TRIM65: variants seen among roughly 807,000 people sequenced by gnomAD.
TRIM65 encodes the protein tripartite motif containing 65.
Under a neutral mutation model 36.1 loss-of-function variants are expected in TRIM65, and 46 were observed. The ratio of observed to expected loss-of-function variants is 1.27; its 90% CI spans 1.01 to 1.63. The LOEUF (loss-of-function observed/expected upper bound fraction) is 1.63. Among genes scored for constraint, TRIM65 ranks in the 40% most tolerant of loss-of-function variants. The pLI, the probability that TRIM65 is intolerant of heterozygous loss-of-function variation, is 0.00. For synonymous variants in TRIM65, 346 were observed against 313.6 expected, an observed-to-expected ratio of 1.10 and a Z score of -1.09; for missense variants, 708 against 696.6, an observed-to-expected ratio of 1.02 and a Z score of -0.18.
rs1476966961 is a variant in TRIM65 at position 75,896,921 on chromosome 17, A to C, written c.17T>G (p.Leu6Arg). The C allele has an allele frequency of 2.0e-6, 3 of 1,503,516 alleles. No individual in the cohort carries two copies. The highest frequency in any genetic ancestry group is 1.8e-6 in the Non-Finnish European group (2 of 1,131,100). 93.1% of individuals were successfully genotyped at this position (1,503,516 alleles called of 1,614,324 possible). MAAQLLEEKLTCAICL... is the reference protein window; with the variant it reads MAAQLREEKLTCAICL... The stretch of plus-strand genomic sequence containing the variant: ...GATGGCGCAGGTCAGCTTCTCCTCC[A>C]GCAGCTGCGCGGCCATGGCCCGGCG... The change falls in exon 1 of 6, where the codon CTG (leucine) becomes CGG (arginine). Residue 6 changes from leucine to arginine, a missense_variant. Leu to Arg is a moderately radical substitution (Grantham distance 102). Coordinates refer to ENST00000269383, the MANE Select transcript of TRIM65 (RefSeq NM_173547.4).
chr17:75,896,314 C>G (rs1481131290), intron 1 of TRIM65, among the ~76,000 whole-genome samples: 15 of 152,202 alleles, frequency 9.9e-5, no homozygotes, highest in Non-Finnish European at 2.2e-4. Context: ...CTCGGCCTCC[C>G]AAAGTGCTGG....
In TRIM65 at chr17:75,892,012, C is replaced by T. The variant is rs771112474; in HGVS notation, c.918G>A (p.Val306=). The T allele has an allele frequency of 7.1e-6, 11 of 1,552,268 alleles. No homozygotes were observed. In the African/African-American group the frequency reaches 1.2e-4, roughly 17 times the overall value. Residue 306 remains valine (V), a splice_region_variant and synonymous_variant, in exon 4 of 6, where the codon GTG becomes GTA. Coordinates refer to ENST00000269383, the MANE Select transcript of TRIM65 (RefSeq NM_173547.4). The part of the protein sequence containing the change: ...APAKPVDLAP[V]EAPGPLAPVP... ...GGGGAGGCCTGGGGTCAGTCTTACC[C>T]ACGGGGGCTAAGTCCACAGGCTTGG...
chr17:75,885,505 G>A (rs1332785045), downstream of TRIM65, among the ~76,000 whole-genome samples: 4 of 152,110 alleles, frequency 2.6e-5, no homozygotes, highest in Admixed American at 1.3e-4. Flanking sequence ...GCAGCCTCCC[G>A]AAGTGCTGCG....
At chr17:75,881,232 T>A in intron 4 of TRIM65, among the ~76,000 whole-genome samples, 1 of 72,804 alleles carries the variant, frequency 1.4e-5, no homozygotes. Flanking sequence ...CGAGACTCCA[T>A]CTCAAAAAAA....
At position 75,888,972 on chromosome 17, in the gene TRIM65, A is replaced by C. The variant is rs1340449248; in HGVS notation, c.*1807T>G. The C allele has an allele frequency of 6.6e-6, 1 of 152,070 alleles. No individual in the cohort carries two copies. The highest frequency in any genetic ancestry group is 2.4e-5 in the African/African-American group (1 of 41,426). The allele number at this position is 152,070 out of a possible 1,614,324, so 9.4% of individuals were successfully genotyped here. A position where few individuals can be genotyped will look rare whatever the true frequency, so the allele number is the denominator to read the frequency against. On this transcript the variant is annotated 3_prime_UTR_variant, in exon 6 of 6. Transcript: ENST00000269383. Reference sequence around the variant, plus strand: ...TATATTACACGTATTATCCTTTTAAAAAGTTTTATTGTGAAATATTTATCC... The same window carrying C: ...TATATTACACGTATTATCCTTTTAACAAGTTTTATTGTGAAATATTTATCC...
At position 75,896,618 on chromosome 17, in the gene TRIM65, C is replaced by T. The variant is rs1049106187; in HGVS notation, c.320G>A (p.Arg107Gln). 85 of 1,254,736 alleles carry T rather than the reference C, an allele frequency of 6.8e-5. No individual in the cohort carries two copies. The highest frequency in any genetic ancestry group is 8.3e-5 in the Non-Finnish European group (83 of 1,003,730). 77.7% of individuals were successfully genotyped at this position (1,254,736 alleles called of 1,614,324 possible). Residue 107 changes from arginine (R) to glutamine (Q), a missense_variant, in exon 1 of 6, where the codon CGG (arginine) becomes CAG (glutamine). Physicochemically the swap from Arg to Gln is conservative, Grantham distance 43. Coordinates refer to ENST00000269383, the MANE Select transcript of TRIM65 (RefSeq NM_173547.4). Reference sequence around the variant, plus strand: ...GCTGCACACACAGCGGCCCTCGGTCCGGCAGAAGAGCTCCAGCGGCCGCCC... The same window carrying T: ...GCTGCACACACAGCGGCCCTCGGTCTGGCAGAAGAGCTCCAGCGGCCGCCC... ...RHGRPLELFCRTEGRCVCSVC... is the reference protein window; with the variant it reads ...RHGRPLELFCQTEGRCVCSVC...
rs1462176614 is a variant in TRIM65, at chr17:75,889,771, G to A, written c.*1008C>T. On this transcript the variant is annotated 3_prime_UTR_variant, in exon 6 of 6. Transcript: ENST00000269383. ...ACAGCCTACATACATGACCATAAAT[G>A]TGGCCAAACATCCCACTCAGAAATA... is the stretch of plus-strand genomic sequence containing the variant. 6.6e-6 allele frequency: 1 copy of A among 152,134 alleles called. No individual in the cohort carries two copies. The highest frequency in any genetic ancestry group is 1.5e-5 in the Non-Finnish European group (1 of 68,042). 9.4% of individuals were successfully genotyped at this position (152,134 alleles called of 1,614,324 possible).
At chr17:75,880,334 CT>C (rs112950190) in exon 5 of TRIM65, 7,436 of 132,896 alleles carry the variant, frequency 0.056, 752 homozygotes, top group African/African-American at 0.18. Context: ...TTCAAATGTC[CT>C]TTTTTTTTTT....
In TRIM65 at chr17:75,891,295, C is replaced by A; in HGVS notation, c.1038G>T (p.Leu346=). 1 of 1,613,254 alleles carries A rather than the reference C, an allele frequency of 6.2e-7. No homozygotes were observed. The highest frequency in any genetic ancestry group is 1.1e-5 in the South Asian group (1 of 91,088). ...GCTTCACCTGCTGGTCCTGGCGCGACAGATAGAAGTGACGGTTGGCGCTGA... is the reference window on the plus strand; with the variant it reads ...GCTTCACCTGCTGGTCCTGGCGCGAAAGATAGAAGTGACGGTTGGCGCTGA... The part of the protein sequence containing the change: ...DPVSANRHFY[L]SRQDQQVKHC... Residue 346 remains leucine, a synonymous_variant, in exon 6 of 6, where the codon CTG becomes CTT. Coordinates refer to ENST00000269383, the MANE Select transcript of TRIM65 (RefSeq NM_173547.4).
downstream of TRIM65, among the ~76,000 whole-genome samples, chr17:75,886,521 CAAAAAAA>C (rs537579897): frequency 6.7e-4 from 52 of 77,044 alleles, no homozygotes; most frequent in African/African-American, 2.1e-3. Context: ...GACTCCGTTT[CAAAAAAA>C]AAAAAAAAAA....
intron 1 of TRIM65, among the ~76,000 whole-genome samples, chr17:75,894,575 C>T (rs2065319109): frequency 6.6e-6 from 1 of 152,242 alleles, no homozygotes; most frequent in African/African-American, 2.4e-5. Context: ...TCTCGACTTC[C>T]AGCTCCCCGC....
chr17:75,889,048 C>G lies in TRIM65; in HGVS notation c.*1731G>C, dbSNP rs1195186060. 1 of 151,340 alleles carries G rather than the reference C, an allele frequency of 6.6e-6. No individual in the cohort carries two copies. The highest frequency in any genetic ancestry group is 6.6e-5 in the Admixed American group (1 of 15,168). The allele number at this position is 151,340 out of a possible 1,614,324, so 9.4% of individuals were successfully genotyped here. A position where few individuals can be genotyped will look rare whatever the true frequency, so the allele number is the denominator to read the frequency against. Reference sequence around the variant, plus strand: ...AGTTTTTCAAGTTACAAAAAGCAGACAGCCCTCCCTTTTTTTTTTTTTTTT... The same window carrying G: ...AGTTTTTCAAGTTACAAAAAGCAGAGAGCCCTCCCTTTTTTTTTTTTTTTT... On this transcript the variant is annotated 3_prime_UTR_variant, in exon 6 of 6. Transcript: ENST00000269383.
downstream of TRIM65, among the ~76,000 whole-genome samples, chr17:75,884,216 G>C (rs111961862): frequency 0.2 from 30,815 of 152,102 alleles, 3,340 homozygotes; most frequent in African/African-American, 0.28. Flanking sequence ...CCAGCACTTT[G>C]GGAGGCCGAG....
rs748635775 is a variant in TRIM65 at position 75,892,267 on chromosome 17, C to G, written c.744G>C (p.Gln248His). 4.3e-6 allele frequency: 7 copies of G among 1,610,530 alleles called. No homozygotes were observed. The South Asian group carries it at 6.6e-5, about 15-fold the overall frequency. ...LEQVDEQTFL[Q>H]ESQLLQPPGP... The stretch of plus-strand genomic sequence containing the variant: ...CCACCTATGCCCTGAGCCCTCGCAC[C>G]TGCAGGAAGGTCTGCTCATCCACCT... Residue 248 changes from glutamine to histidine, a missense_variant and splice_region_variant, in exon 3 of 6, where the codon CAG becomes CAC. Transcript: ENST00000269383.
chr17:75,884,316 G>A (rs1388970874), downstream of TRIM65, among the ~76,000 whole-genome samples: 4 of 149,644 alleles, frequency 2.7e-5, no homozygotes, highest in South Asian at 2.1e-4. Flanking sequence ...AAAATTAGCC[G>A]GGCGTGGTGG....
At chr17:75,888,361 AAAAG>A (rs201003459), downstream of TRIM65, among the ~76,000 whole-genome samples, 16,528 of 147,868 alleles carry the variant, frequency 0.11, 985 homozygotes, top group African/African-American at 0.16. Flanking sequence ...TCAAAAAAAA[AAAAG>A]AAAGAAAGAA....
At chr17:75,891,945 C>T (rs550246981) in intron 4 of TRIM65, 66 bp downstream of exon 4, 1 of 1,563,114 alleles carries the variant, frequency 6.4e-7, no homozygotes, top group African/African-American at 1.4e-5. Flanking sequence ...TGACCCGCCT[C>T]CACCCCCCCA....
chr17:75,893,457 G>A (rs769893660), intron 1 of TRIM65, among the ~76,000 whole-genome samples: 9 of 152,086 alleles, frequency 5.9e-5, no homozygotes, highest in African/African-American at 9.7e-5. Context: ...ACCCCTATTC[G>A]GTTGCGCTCC....
chr17:75,885,206 G>A (rs773357114), downstream of TRIM65, among the ~76,000 whole-genome samples: 153 of 152,314 alleles, frequency 1.0e-3, no homozygotes, highest in Non-Finnish European at 1.7e-3. Context: ...GATTACAGGC[G>A]TGAGCCACTG....
Sources: allele counts gnomAD v4.1 joint callset (sites outside exome capture counted in the v4.1 genomes callset), GRCh38; gene constraint gnomAD v4.1.1; transcripts MANE v1.5; gene names NCBI Gene and HGNC (gene_info 2026-07-23, HGNC 2026-07-21).